The following RFX3 variants were observed in gnomAD, a reference collection of about 807,000 sequenced individuals.
RFX3 encodes the protein regulatory factor X3, also known as transcription factor RFX3.
RFX3 carries 14 observed loss-of-function variants against 98.6 expected under a neutral mutation model. That is an observed-to-expected ratio of 0.14 (90% confidence interval 0.09 to 0.22). The LOEUF (loss-of-function observed/expected upper bound fraction) is 0.22. RFX3 is among the 10% of genes least tolerant of loss of function. RFX3 has a pLI of 1.00. For synonymous variants in RFX3, 383 were observed against 328.4 expected (o/e 1.17, Z -1.80); for missense variants, 639 against 926.9 (o/e 0.69, Z 4.03).
intron 1 of RFX3, among the ~76,000 whole-genome samples, chr9:3,464,029 C>T (rs1384214710): frequency 1.3e-5 from 2 of 151,994 alleles, no homozygotes; most frequent in Non-Finnish European, 2.9e-5. Context: ...CCAAAAACTA[C>T]ATGAAAAAAT....
At chr9:3,254,388 C>G (rs966988909) in intron 14 of RFX3, among the ~76,000 whole-genome samples, 7 of 152,022 alleles carry the variant, frequency 4.6e-5, no homozygotes, top group Non-Finnish European at 1.0e-4. Flanking sequence ...AGGATGGACT[C>G]TGCCTTTGGT....
At chr9:3,344,348 T>G (rs900035444) in intron 3 of RFX3, among the ~76,000 whole-genome samples, 1 of 152,186 alleles carries the variant, frequency 6.6e-6, no homozygotes, top group Admixed American at 6.5e-5. Flanking sequence ...ATTTGCATTA[T>G]ATACTTAACC....
chr9:3,345,339 T>C (rs1487299149), intron 3 of RFX3, among the ~76,000 whole-genome samples: 1 of 152,090 alleles, frequency 6.6e-6, no homozygotes, highest in Non-Finnish European at 1.5e-5. Context: ...ATGCACAAAA[T>C]TGGTTATGCC....
At chr9:3,253,738 G>C (rs1821739558) in intron 14 of RFX3, among the ~76,000 whole-genome samples, 1 of 152,028 alleles carries the variant, frequency 6.6e-6, no homozygotes, top group Admixed American at 6.6e-5. Context: ...ATTAGATTAA[G>C]CATCTGATTT....
chr9:3,304,890 G>A (rs1160255977), intron 4 of RFX3, among the ~76,000 whole-genome samples: 1 of 152,064 alleles, frequency 6.6e-6, no homozygotes, highest in African/African-American at 2.4e-5. Context: ...AGTTCAGAAA[G>A]GTGGAAGAAA....
At chr9:3,228,324 T>A (rs1271802531) in intron 16 of RFX3, among the ~76,000 whole-genome samples, 1 of 152,214 alleles carries the variant, frequency 6.6e-6, no homozygotes, top group African/African-American at 2.4e-5. Context: ...TACTGTATAT[T>A]AGAGTGGCAA....
rs768179353 is a variant in RFX3, at chr9:3,270,540, T to C, written c.1203-15A>G. The C allele has an allele frequency of 3.1e-6, 5 of 1,604,880 alleles. No individual in the cohort carries two copies. The highest frequency in any genetic ancestry group is 3.5e-5 in the Admixed American group (2 of 57,954). The stretch of plus-strand genomic sequence containing the variant: ...CACTCAGATTGCTGGTGTGAATAAA[T>C]GTAGCAAATGAATAGATGGCAAATG... On this transcript the variant is annotated splice_polypyrimidine_tract_variant and intron_variant, in intron 10 of 16. Transcript: ENST00000617270.
intron 1 of RFX3, among the ~76,000 whole-genome samples, chr9:3,505,749 C>A (rs1043071957): frequency 2.0e-5 from 3 of 151,132 alleles, no homozygotes; most frequent in Non-Finnish European, 4.4e-5. Context: ...ACAACCTTCT[C>A]CACCCCCATC....
intron 7 of RFX3, among the ~76,000 whole-genome samples, chr9:3,284,888 G>A (rs574506820): frequency 4.0e-5 from 6 of 151,626 alleles, no homozygotes; most frequent in Non-Finnish European, 5.9e-5. Context: ...TTTATTTTCC[G>A]ACTCATGGCT....
intron 13 of RFX3, among the ~76,000 whole-genome samples, chr9:3,261,634 A>C (rs1402430292): frequency 7.9e-5 from 12 of 152,096 alleles, no homozygotes. Context: ...TTGTGTGGAC[A>C]TGATTTCATT....
At chr9:3,364,026 C>T (rs1836770127) in intron 2 of RFX3, among the ~76,000 whole-genome samples, 1 of 152,170 alleles carries the variant, frequency 6.6e-6, no homozygotes, top group African/African-American at 2.4e-5. Flanking sequence ...CAGGTGTGTG[C>T]TGCCATGCCC....
Position 3,415,383 on chromosome 9 carries a change from C to A in RFX3, c.-8-19787G>T, listed in dbSNP as rs77636827. Among the ~76,000 whole-genome samples the A allele has an allele frequency of 9.2e-3, 1,397 of 151,650 alleles. 28 individuals are homozygous for A. Among genetic ancestry groups the A allele is most frequent in the African/African-American group, 0.032 (1,341 of 41,370 alleles). On this transcript the variant is annotated intron_variant, in intron 1 of 16. Transcript: ENST00000617270. ...GCGTGAGCCACCCTGGCTAGCCAAC[C>A]AGTACCATTTTCCACCACACCTGGC...
chr9:3,235,570 G>A (rs1002549728), intron 15 of RFX3, among the ~76,000 whole-genome samples: 2 of 152,146 alleles, frequency 1.3e-5, no homozygotes, highest in African/African-American at 4.8e-5. Context: ...TAAAATCAAG[G>A]TGTTGGCAGA....
chr9:3,457,011 T>C (rs1416984346), intron 1 of RFX3, among the ~76,000 whole-genome samples: 6 of 151,696 alleles, frequency 4.0e-5, no homozygotes, highest in Admixed American at 2.0e-4. Context: ...TGTGGTGGTA[T>C]GCACCTGTAA....
intron 1 of RFX3, among the ~76,000 whole-genome samples, chr9:3,504,286 AAAATAT>A (rs1473142937): frequency 9.2e-6 from 1 of 109,066 alleles, no homozygotes; most frequent in African/African-American, 4.0e-5. Flanking sequence ...TATAACATAT[AAAATAT>A]ATATTATATA....
At chr9:3,497,452 G>C (rs1207865227) in intron 1 of RFX3, among the ~76,000 whole-genome samples, 3 of 151,962 alleles carry the variant, frequency 2.0e-5, no homozygotes, top group Admixed American at 6.6e-5. Context: ...AAAAATTAGA[G>C]TTTTTGCCTG....
intron 14 of RFX3, among the ~76,000 whole-genome samples, chr9:3,252,859 T>C (rs7866129): frequency 0.18 from 27,481 of 152,210 alleles, 3,017 homozygotes; most frequent in African/African-American, 0.31. Context: ...TACTGACATG[T>C]ATGTCATGAA....
chr9:3,368,845 G>A (rs938816202), intron 2 of RFX3, among the ~76,000 whole-genome samples: 3 of 152,198 alleles, frequency 2.0e-5, no homozygotes, highest in African/African-American at 7.2e-5. Context: ...TTACATCTTA[G>A]TATAACTAGC....
At chr9:3,339,983 C>G (rs907817038) in intron 3 of RFX3, among the ~76,000 whole-genome samples, 1 of 152,098 alleles carries the variant, frequency 6.6e-6, no homozygotes, top group Non-Finnish European at 1.5e-5. Context: ...GGAGGCATCA[C>G]ACTACCTGAC....
Sources: gnomAD v4.1 joint callset for allele counts (sites outside exome capture counted in the v4.1 genomes callset) on GRCh38, gnomAD v4.1.1 for gene constraint, MANE v1.5 for transcripts, NCBI Gene and HGNC (gene_info 2026-07-23, HGNC 2026-07-21) for gene names.